The following RARB variants were observed in gnomAD, a reference collection of about 807,000 sequenced individuals.
RARB encodes the protein retinoic acid receptor beta, also known as HBV-activated protein.
In RARB, 17 loss-of-function variants were observed where a neutral mutation model predicts 51.9. That is an observed-to-expected ratio of 0.33 (90% confidence interval 0.22 to 0.49). The LOEUF (loss-of-function observed/expected upper bound fraction) is 0.49. Among genes scored for constraint, RARB ranks in the 20% least tolerant of loss-of-function variants. The pLI is 0.99. For missense variants in RARB, 369 were observed against 550.8 expected (o/e 0.67, Z 3.30); for synonymous variants, 215 against 195.4 (o/e 1.10, Z -0.84).
chr3:24,996,305 G>A lies in RARB; in HGVS notation c.-379-63820G>A, dbSNP rs1016326663. 1.3e-5 allele frequency among the ~76,000 whole-genome samples: 2 copies of A among 151,810 alleles called. 1 individual carries two copies. Among genetic ancestry groups the A allele is most frequent in the Admixed American group, 1.3e-4 (2 of 15,212 alleles). On this transcript the variant is annotated intron_variant, in intron 2 of 11. Transcript: ENST00000383772. ...ATTTCTATGGTATTCACTGTGATGT[G>A]TCCATTTTTTAATTTCTGATTTTGT...
At chr3:24,997,149 G>A in intron 2 of RARB, among the ~76,000 whole-genome samples, 1 of 60,824 alleles carries the variant, frequency 1.6e-5, no homozygotes, top group South Asian at 7.9e-4. Context: ...AGCATTGGGT[G>A]CATATATGTA....
chr3:25,024,486 C>A (rs567795986), intron 2 of RARB, among the ~76,000 whole-genome samples: 1 of 152,182 alleles, frequency 6.6e-6, no homozygotes, highest in Non-Finnish European at 1.5e-5. Context: ...CATTAAGCAA[C>A]AAAATGTGCC....
chr3:25,140,762 A>G (rs928661938), intron 4 of RARB, among the ~76,000 whole-genome samples: 1 of 152,064 alleles, frequency 6.6e-6, no homozygotes, highest in Non-Finnish European at 1.5e-5. Context: ...GGTATAGAAA[A>G]CTTCATTATT....
At chr3:25,052,818 G>A (rs1302022732) in intron 2 of RARB, among the ~76,000 whole-genome samples, 3 of 151,978 alleles carry the variant, frequency 2.0e-5, no homozygotes, top group East Asian at 3.9e-4. Flanking sequence ...TGACTTCTTG[G>A]GTATGACGAG....
At chr3:25,520,606 C>T (rs928029484) in intron 3 of RARB, among the ~76,000 whole-genome samples, 7 of 152,108 alleles carry the variant, frequency 4.6e-5, no homozygotes, top group African/African-American at 1.4e-4. Context: ...GCTTGCTTTT[C>T]TTATCTAGAA....
intron 2 of RARB, among the ~76,000 whole-genome samples, chr3:24,930,908 G>A (rs1016032306): frequency 6.6e-6 from 1 of 152,060 alleles, no homozygotes; most frequent in African/African-American, 2.4e-5. Context: ...AGTTACCTGC[G>A]AAGCTGAAGT....
At chr3:25,472,143 C>T (rs1015526951) in intron 2 of RARB, among the ~76,000 whole-genome samples, 1 of 152,166 alleles carries the variant, frequency 6.6e-6, no homozygotes, top group African/African-American at 2.4e-5. Context: ...AAAGTAAACC[C>T]CCACAAGGTA....
At chr3:24,835,553 C>T (rs1431772247) in intron 1 of RARB, among the ~76,000 whole-genome samples, 2 of 152,140 alleles carry the variant, frequency 1.3e-5, no homozygotes, top group African/African-American at 4.8e-5. Flanking sequence ...TACTCACACC[C>T]AGTAGGCTAA....
At chr3:25,204,193 G>T (rs4302348) in intron 5 of RARB, among the ~76,000 whole-genome samples, 74,873 of 151,896 alleles carry the variant, frequency 0.49, 19,104 homozygotes, top group East Asian at 0.69. Flanking sequence ...TTCAATCATT[G>T]ATACCCTTTC....
intron 2 of RARB, among the ~76,000 whole-genome samples, chr3:24,986,002 A>AAT (rs1361116204): frequency 1.3e-5 from 2 of 152,248 alleles, no homozygotes; most frequent in African/African-American, 4.8e-5. Context: ...TATGGGATTA[A>AAT]ATATGAGCAT....
At chr3:25,567,502 A>G (rs1700544842) in intron 3 of RARB, among the ~76,000 whole-genome samples, 1 of 152,198 alleles carries the variant, frequency 6.6e-6, no homozygotes, top group African/African-American at 2.4e-5. Context: ...ATGACAAATA[A>G]TATTCCACCA....
At position 25,449,283 on chromosome 3, in the gene RARB, C is replaced by T. The variant is rs79818387; in HGVS notation, c.158-11910C>T. Reference sequence around the variant, plus strand: ...TGAGGGCTGGGTTCTCAGCAGGGAACATGCAGAAGGGGTTAGTGAGTGTGT... The same window carrying T: ...TGAGGGCTGGGTTCTCAGCAGGGAATATGCAGAAGGGGTTAGTGAGTGTGT... On this transcript the variant is annotated intron_variant, in intron 1 of 7. Coordinates refer to ENST00000330688, the MANE Select transcript of RARB (RefSeq NM_000965.5). 3.3e-4 allele frequency among the ~76,000 whole-genome samples: 50 copies of T among 152,118 alleles called. No individual in the cohort carries two copies. The East Asian group carries it at 8.9e-3, about 27-fold the overall frequency.
In RARB at chr3:25,263,584, C is replaced by T. The variant is rs188802299; in HGVS notation, c.178+89009C>T. ...CTGACTCCATCTGAGATTTTTCAGC[C>T]AGCCAACCTCTAACACACACAGGCT... is the stretch of plus-strand genomic sequence containing the variant. On this transcript the variant is annotated intron_variant, in intron 5 of 11. Coordinates refer to the RARB transcript ENST00000383772. 3.0e-4 allele frequency among the ~76,000 whole-genome samples: 45 copies of T among 152,258 alleles called. No homozygotes were observed. The East Asian group carries it at 7.1e-3, about 24-fold the overall frequency.
chr3:25,547,492 G>A (rs1699663710), intron 3 of RARB, among the ~76,000 whole-genome samples: 2 of 152,184 alleles, frequency 1.3e-5, no homozygotes, highest in Admixed American at 6.5e-5. Context: ...ATAGTCCCAT[G>A]TGCCAATTTA....
At chr3:25,298,154 ACG>A (rs1703960479) in intron 5 of RARB, among the ~76,000 whole-genome samples, 1 of 150,836 alleles carries the variant, frequency 6.6e-6, no homozygotes, top group Non-Finnish European at 1.5e-5. Flanking sequence ...GTAAACACTC[ACG>A]TAATTTTATT....
intron 3 of RARB, among the ~76,000 whole-genome samples, chr3:25,110,718 C>G (rs1461023369): frequency 6.6e-6 from 1 of 152,146 alleles, no homozygotes; most frequent in Non-Finnish European, 1.5e-5. Context: ...TTCAAAATCT[C>G]AGGAAGAAGG....
At position 24,908,653 on chromosome 3, in the gene RARB, A is replaced by T. The variant is rs144310132; in HGVS notation, c.-380+49901A>T. ...CTCTAAAATTTGTAATTCTTGAGGT[A>T]ACCACAACTGTTTTTTTTTTTTTTT... On this transcript the variant is annotated intron_variant, in intron 2 of 11. Transcript: ENST00000383772. Among the ~76,000 whole-genome samples, 409 of 145,674 alleles carry T rather than the reference A, an allele frequency of 2.8e-3. 2 individuals carry two copies. The highest frequency in any genetic ancestry group is 0.01 in the African/African-American group (393 of 39,216).
chr3:24,878,835 C>A (rs1024689742), intron 2 of RARB, among the ~76,000 whole-genome samples: 1 of 152,058 alleles, frequency 6.6e-6, no homozygotes, highest in African/African-American at 2.4e-5. Context: ...GTAAGATTGC[C>A]CGGAGAAAAA....
At position 25,165,346 on chromosome 3, in the gene RARB, A is replaced by G. The variant is rs76990455; in HGVS notation, c.-279-8773A>G. On this transcript the variant is annotated intron_variant, in intron 4 of 11. Coordinates refer to the RARB transcript ENST00000383772. ...CTTTTCTGTATACATTTCCATTTCT[A>G]TGCCAGTCTTCTCTCTCTGTCTTTC... 2.1e-3 allele frequency among the ~76,000 whole-genome samples: 318 copies of G among 151,670 alleles called. 2 individuals carry two copies. Among genetic ancestry groups the G allele is most frequent in the East Asian group, 0.021 (108 of 5,156 alleles).
Sources: gnomAD v4.1 joint callset for allele counts (sites outside exome capture counted in the v4.1 genomes callset) on GRCh38, gnomAD v4.1.1 for gene constraint, MANE v1.5 for transcripts, NCBI Gene and HGNC (gene_info 2026-07-23, HGNC 2026-07-21) for gene names.